DNMT3A: variants seen among roughly 807,000 people sequenced by gnomAD.
DNMT3A encodes DNA methyltransferase 3 alpha.
DNMT3A carries 267 observed loss-of-function variants against 117.6 expected under a neutral mutation model. The observed-to-expected ratio is 2.27, with a 90% CI of 2.05 to 2.51. The LOEUF is 2.51. DNMT3A is among the 30% of genes most tolerant of loss of function. The pLI is 0.00. For missense variants in DNMT3A, 1,029 were observed against 1,260.2 expected (o/e 0.82, Z 2.78); for synonymous variants, 432 against 474.8 (o/e 0.91, Z 1.17).
chr2:25,289,512 G>C (rs2032587113), intron 3 of DNMT3A, among the ~76,000 whole-genome samples: 1 of 152,160 alleles, frequency 6.6e-6, no homozygotes, highest in Non-Finnish European at 1.5e-5. Context: ...AGGGATCCTA[G>C]GGGAGCTGGA....
chr2:25,321,114 CAAA>C (rs1171137668), intron 1 of DNMT3A, among the ~76,000 whole-genome samples: 1 of 146,812 alleles, frequency 6.8e-6, no homozygotes, highest in Non-Finnish European at 1.5e-5. Context: ...CCCTGGGCAA[CAAA>C]AGCGAAACTC....
chr2:25,252,975 T>TGAGGAGG lies in DNMT3A; in HGVS notation c.640-4724_640-4723insCCTCCTC, dbSNP rs1675776424. ...AAAGCGCGGCGTGAGGAGGTCAGGC[T>TGAGGAGG]TCGAGTCCCAGGGCCCCTGCGTCAC... is the stretch of plus-strand genomic sequence containing the variant. On this transcript the variant is annotated intron_variant, in intron 6 of 22. Coordinates refer to ENST00000321117, the MANE Select transcript of DNMT3A (RefSeq NM_022552.5). This position sits in a 1 kb window ranked among gnomAD's most constrained non-coding sequence, Gnocchi z 5.5. 2.6e-5 allele frequency among the ~76,000 whole-genome samples: 4 copies of TGAGGAGG among 152,082 alleles called. No homozygotes were observed. Among genetic ancestry groups the TGAGGAGG allele is most frequent in the Non-Finnish European group, 5.9e-5 (4 of 67,998 alleles).
chr2:25,240,807 G>A, intron 17 of DNMT3A, 77 bp from the exon 18 acceptor site: 1 of 1,465,174 alleles, frequency 6.8e-7, no homozygotes, highest in Non-Finnish European at 9.5e-7. Context: ...AATTATCTGT[G>A]AACTTGGCAA....
intron 19 of DNMT3A, chr2:25,239,424 G>A (rs1485404913): frequency 3.1e-6 from 2 of 649,044 alleles, no homozygotes; most frequent in East Asian, 3.0e-5. Context: ...GATCAGCATT[G>A]TCCAAATGAA....
Position 25,247,063 on chromosome 2 carries a change from G to A in DNMT3A, c.1110C>T (p.Tyr370=), listed in dbSNP as rs771316153. Reference sequence around the variant, plus strand: ...CAGGGACACTCACCTGCAGGACCTCGTAGATGGCTTTGCGGTACATGGGCT... The same window carrying A: ...CAGGGACACTCACCTGCAGGACCTCATAGATGGCTTTGCGGTACATGGGCT... ...NKQPMYRKAI[Y]EVLQVASSRA... The change falls in exon 9 of 23, where the codon TAC becomes TAT. Residue 370 remains tyrosine, a synonymous_variant. Transcript: ENST00000321117. The surrounding 1 kb of genome is among the most constrained non-coding windows in gnomAD (Gnocchi z 5.6). 1.4e-5 allele frequency: 23 copies of A among 1,613,930 alleles called. No homozygotes were observed. The highest frequency in any genetic ancestry group is 2.2e-5 in the East Asian group (1 of 44,894).
At chr2:25,244,117 A>G in intron 15 of DNMT3A, 38 bp downstream of exon 15, 1 of 1,613,492 alleles carries the variant, frequency 6.2e-7, no homozygotes. Flanking sequence ...AGGCTCAGCC[A>G]AGGGAGCTCG....
chr2:25,294,742 C>A lies in DNMT3A; in HGVS notation c.177+5397G>T, dbSNP rs959762369. The stretch of plus-strand genomic sequence containing the variant: ...CTGCAGCAGAATGGTTCCCTGACTT[C>A]CCCATTTAGGTTACCCCAAGTCATC... On this transcript the variant is annotated intron_variant, in intron 3 of 22. Coordinates refer to ENST00000321117, the MANE Select transcript of DNMT3A (RefSeq NM_022552.5). The surrounding 1 kb of genome is among the most constrained non-coding windows in gnomAD (Gnocchi z 4.7). Among the ~76,000 whole-genome samples the A allele has an allele frequency of 6.6e-6, 1 of 152,204 alleles. No homozygotes were observed. Among genetic ancestry groups the A allele is most frequent in the African/African-American group, 2.4e-5 (1 of 41,444 alleles).
chr2:25,281,406 G>T lies in DNMT3A; in HGVS notation c.448+1035C>A, dbSNP rs2031877652. On this transcript the variant is annotated intron_variant, in intron 4 of 22. Coordinates refer to ENST00000321117, the MANE Select transcript of DNMT3A (RefSeq NM_022552.5). This position sits in a 1 kb window ranked among gnomAD's most constrained non-coding sequence, Gnocchi z 4.8. ...CTGTAGTGTTCTGCACATAGTGGGA[G>T]CATCATACATATTTGTCGAATAATA... The T allele has an allele frequency of 4.9e-6, 5 of 1,012,270 alleles. No homozygotes were observed. Among genetic ancestry groups the T allele is most frequent in the Non-Finnish European group, 5.9e-6 (5 of 842,016 alleles). The allele number at this position is 1,012,270 out of a possible 1,614,324, so 62.7% of individuals were successfully genotyped here.
chr2:25,341,431 G>A (rs1489727217), intron 1 of DNMT3A, among the ~76,000 whole-genome samples: 1 of 145,702 alleles, frequency 6.9e-6, no homozygotes, highest in East Asian at 2.0e-4. Flanking sequence ...GGGGCGGCCC[G>A]GCCGGGGCCC....
rs1165028097 is a variant in DNMT3A at position 25,294,790 on chromosome 2, C to T, written c.177+5349G>A. ...ATCTGCTCTGAAGTGGGGCAGTTTG[C>T]CCTCTTGGACTGGCTCACTCCTGCG... On this transcript the variant is annotated intron_variant, in intron 3 of 22. Transcript: ENST00000321117. The surrounding 1 kb of genome is among the most constrained non-coding windows in gnomAD (Gnocchi z 4.7). Among the ~76,000 whole-genome samples the T allele has an allele frequency of 6.6e-6, 1 of 152,162 alleles. No individual in the cohort carries two copies. Among genetic ancestry groups the T allele is most frequent in the Non-Finnish European group, 1.5e-5 (1 of 68,026 alleles).
rs903268817 is a variant in DNMT3A at position 25,232,173 on chromosome 2, C to A, written c.*2106G>T. ...ACTGTAGGCCCCATCTTTCTAGGGA[C>A]GTGGACTTGGGGCCATGTGCTTGCC... On this transcript the variant is annotated 3_prime_UTR_variant, in exon 23 of 23. Coordinates refer to ENST00000321117, the MANE Select transcript of DNMT3A (RefSeq NM_022552.5). The surrounding 1 kb of genome is among the most constrained non-coding windows in gnomAD (Gnocchi z 4.1). 2.6e-5 allele frequency: 4 copies of A among 152,190 alleles called. No homozygotes were observed. In the South Asian group the frequency reaches 8.3e-4, roughly 32 times the overall value. 9.4% of individuals were successfully genotyped at this position (152,190 alleles called of 1,614,324 possible).
chr2:25,271,278 C>T (rs116471996), intron 6 of DNMT3A, among the ~76,000 whole-genome samples: 19,419 of 151,986 alleles, frequency 0.13, 1,387 homozygotes, highest in Non-Finnish European at 0.16. Context: ...ACCCAGGAGG[C>T]GGAGGCTGCA....
rs563989197 is a variant in DNMT3A at position 25,289,839 on chromosome 2, C to T, written c.178-7128G>A. On this transcript the variant is annotated intron_variant, in intron 3 of 22. Coordinates refer to ENST00000321117, the MANE Select transcript of DNMT3A (RefSeq NM_022552.5). ...GGAACCAATTCCCCAGCCCTGCCGC[C>T]GCCTCCTCTTCCCCCTTTGCCCAAA... Among the ~76,000 whole-genome samples, 433 of 152,338 alleles carry T rather than the reference C, an allele frequency of 2.8e-3. 3 individuals carry two copies. The highest frequency in any genetic ancestry group is 4.9e-3 in the Non-Finnish European group (333 of 68,026).
At chr2:25,325,430 C>T (rs1224258954) in intron 1 of DNMT3A, among the ~76,000 whole-genome samples, 2 of 152,104 alleles carry the variant, frequency 1.3e-5, no homozygotes, top group Admixed American at 6.6e-5. Flanking sequence ...ACAGCGGAAG[C>T]GGCCCACGGT....
chr2:25,249,583 C>T, intron 6 of DNMT3A: 4 of 1,559,026 alleles, frequency 2.6e-6, no homozygotes, highest in Non-Finnish European at 3.5e-6. Context: ...CAGGCGTGCT[C>T]TCTGCCATCC....
chr2:25,299,449 G>C (rs774122683), intron 3 of DNMT3A, among the ~76,000 whole-genome samples: 2 of 152,244 alleles, frequency 1.3e-5, no homozygotes, highest in Non-Finnish European at 2.9e-5. Context: ...CCCTGGGTGA[G>C]AGTGTGGTAG....
At chr2:25,315,134 C>A (rs2034319165) in intron 1 of DNMT3A, among the ~76,000 whole-genome samples, 2 of 152,166 alleles carry the variant, frequency 1.3e-5, no homozygotes, top group Non-Finnish European at 2.9e-5. Flanking sequence ...CCCACCCACA[C>A]CCTTCCCCTT....
intron 2 of DNMT3A, among the ~76,000 whole-genome samples, chr2:25,309,246 T>A (rs2033951934): frequency 6.6e-6 from 1 of 151,846 alleles, no homozygotes; most frequent in Non-Finnish European, 1.5e-5. Flanking sequence ...GCTAACTACC[T>A]GGAAAGGTAC....
At chr2:25,325,326 G>A (rs575275798) in intron 1 of DNMT3A, among the ~76,000 whole-genome samples, 2 of 152,318 alleles carry the variant, frequency 1.3e-5, no homozygotes, top group South Asian at 4.1e-4. Flanking sequence ...CTGGGAGTCA[G>A]GGGCACAGGG....
Sources: allele counts gnomAD v4.1 joint callset (sites outside exome capture counted in the v4.1 genomes callset), GRCh38; gene constraint gnomAD v4.1.1; non-coding constraint Gnocchi (gnomAD v3.1); transcripts MANE v1.5; gene names NCBI Gene and HGNC (gene_info 2026-07-23, HGNC 2026-07-21).